The following HIP1 variants were observed in gnomAD, a reference collection of about 807,000 sequenced individuals.
HIP1 encodes the protein huntingtin-interacting protein 1.
Under a neutral mutation model 147.6 loss-of-function variants are expected in HIP1, and 65 were observed. The observed-to-expected ratio is 0.44, with a 90% CI of 0.36 to 0.54. The LOEUF (loss-of-function observed/expected upper bound fraction) is 0.54, where lower values mean the gene tolerates loss of function less well. HIP1 is among the 20% of genes least tolerant of loss of function. The pLI is 0.00. For missense variants in HIP1, 1,061 were observed against 1,299.6 expected, an observed-to-expected ratio of 0.82 and a Z score of 2.82; for synonymous variants, 479 against 504.0, an observed-to-expected ratio of 0.95 and a Z score of 0.67.
In HIP1 at chr7:75,622,936, G is replaced by A. The variant is rs1157239768; in HGVS notation, c.121-23689C>T. On this transcript the variant is annotated intron_variant, in intron 1 of 30. Transcript: ENST00000336926. ...AAATTGGCTGGGTGTGGTGGCTCAC[G>A]CCTGTAATCCTAGCACTTTGGGAAG... Among the ~76,000 whole-genome samples, 7 of 151,894 alleles carry A rather than the reference G, an allele frequency of 4.6e-5. No individual in the cohort carries two copies. The East Asian group carries it at 5.8e-4, about 13-fold the overall frequency.
rs146291469 is a variant in HIP1 at position 75,695,763 on chromosome 7, C to T, written c.120+43038G>A. ...CTAATTTTTGTATTTTTAGTAGAGA[C>T]GGGGTTTCACTATGTTGGCCAGGCT... On this transcript the variant is annotated intron_variant, in intron 1 of 30. Coordinates refer to ENST00000336926, the MANE Select transcript of HIP1 (RefSeq NM_005338.7). Among the ~76,000 whole-genome samples the T allele has an allele frequency of 7.8e-3, 1,179 of 152,064 alleles. 17 individuals are homozygous for T. Among genetic ancestry groups the T allele is most frequent in the African/African-American group, 0.027 (1,114 of 41,506 alleles).
chr7:75,662,606 AG>A (rs529678622), intron 1 of HIP1, among the ~76,000 whole-genome samples: 204 of 152,256 alleles, frequency 1.3e-3, no homozygotes, highest in Non-Finnish European at 2.4e-3. Flanking sequence ...CCCAGGTTCA[AG>A]TGACTCTCCT....
intron 1 of HIP1, among the ~76,000 whole-genome samples, chr7:75,722,416 C>A (rs1173431338): frequency 2.6e-5 from 4 of 152,222 alleles, no homozygotes; most frequent in African/African-American, 9.6e-5. Flanking sequence ...CAGAGCCAGA[C>A]TGAAGACCTA....
chr7:75,548,994 A>G lies in HIP1; in HGVS notation c.2303T>C (p.Leu768Pro), dbSNP rs781850036. The G allele has an allele frequency of 4.2e-5, 67 of 1,612,260 alleles. No homozygotes were observed. The highest frequency in any genetic ancestry group is 5.0e-5 in the Non-Finnish European group (59 of 1,178,456). The change falls in exon 23 of 31, where the codon CTG becomes CCG. Residue 768 changes from leucine to proline, a missense_variant. By Grantham distance (98) the Leu-to-Pro change is moderately conservative (BLOSUM62 -3). Coordinates refer to ENST00000336926, the MANE Select transcript of HIP1 (RefSeq NM_005338.7). ...SKIKAIGEELLPRGLDIKQEE... is the reference protein window; with the variant it reads ...SKIKAIGEELPPRGLDIKQEE... ...CTGCTTGATGTCCAGTCCCCTGGGC[A>G]GGAGCTCCTGTGAACACATCACAAA...
intron 1 of HIP1, among the ~76,000 whole-genome samples, chr7:75,627,977 G>A (rs1400735106): frequency 6.6e-6 from 1 of 152,190 alleles, no homozygotes; most frequent in African/African-American, 2.4e-5. Context: ...ATGAACAGGG[G>A]TTCCAGAGTT....
chr7:75,620,377 C>T (rs1797805053), intron 1 of HIP1, among the ~76,000 whole-genome samples: 1 of 126,932 alleles, frequency 7.9e-6, no homozygotes, highest in African/African-American at 3.4e-5. Context: ...CAGAGCAAGA[C>T]CATGTCTTTA....
chr7:75,699,215 GA>G (rs1800737675), intron 1 of HIP1, among the ~76,000 whole-genome samples: 1 of 151,976 alleles, frequency 6.6e-6, no homozygotes, highest in African/African-American at 2.4e-5. Flanking sequence ...AAGTAACTAG[GA>G]CTATAGGCGC....
intron 7 of HIP1, among the ~76,000 whole-genome samples, chr7:75,574,758 G>A (rs1200500020): frequency 6.6e-6 from 1 of 152,178 alleles, no homozygotes; most frequent in African/African-American, 2.4e-5. Context: ...ACTCTGTGCA[G>A]AGACCCCTGA....
At position 75,717,556 on chromosome 7, in the gene HIP1, G is replaced by C. The variant is rs761094345; in HGVS notation, c.120+21245C>G. Among the ~76,000 whole-genome samples, 64 of 151,842 alleles carry C rather than the reference G, an allele frequency of 4.2e-4. 1 individual carries two copies. Among genetic ancestry groups the C allele is most frequent in the Non-Finnish European group, 7.4e-4 (50 of 67,980 alleles). On this transcript the variant is annotated intron_variant, in intron 1 of 30. Transcript: ENST00000336926. ...AGTTAAAAGAATTAGCCGGGGCCCG[G>C]TGTGGTGGCTTACACCCATAATCTT...
intron 4 of HIP1, among the ~76,000 whole-genome samples, chr7:75,588,016 T>G (rs1796347521): frequency 1.3e-5 from 2 of 152,022 alleles, no homozygotes; most frequent in African/African-American, 2.4e-5. Context: ...CTCCTTGGTA[T>G]AGGGGAAGTA....
intron 5 of HIP1, among the ~76,000 whole-genome samples, chr7:75,584,715 C>T (rs587653344): frequency 2.0e-5 from 3 of 152,256 alleles, no homozygotes; most frequent in Admixed American, 1.3e-4. Flanking sequence ...CGCAGCCCCA[C>T]TGCCCCAGCT....
chr7:75,717,312 T>A (rs557730309), intron 1 of HIP1, among the ~76,000 whole-genome samples: 1 of 152,166 alleles, frequency 6.6e-6, no homozygotes, highest in South Asian at 2.1e-4. Context: ...AACAAAAATG[T>A]GTGCAGGAAA....
At chr7:75,616,507 T>C (rs1797667492) in intron 1 of HIP1, among the ~76,000 whole-genome samples, 1 of 151,940 alleles carries the variant, frequency 6.6e-6, no homozygotes, top group Non-Finnish European at 1.5e-5. Flanking sequence ...TCCTGGCTTC[T>C]AGCGATCCTC....
chr7:75,596,530 GT>G (rs1325833395), intron 2 of HIP1, among the ~76,000 whole-genome samples: 1 of 152,106 alleles, frequency 6.6e-6, no homozygotes. Context: ...GGGATTACAG[GT>G]ACCTGCCACC....
chr7:75,716,680 C>T (rs1554520622), intron 1 of HIP1, among the ~76,000 whole-genome samples: 3 of 151,872 alleles, frequency 2.0e-5, no homozygotes, highest in East Asian at 3.9e-4. Context: ...CCAACATGCC[C>T]GGCTAATTTT....
chr7:75,607,230 T>TTC (rs1563240673), intron 1 of HIP1, among the ~76,000 whole-genome samples: 1 of 146,170 alleles, frequency 6.8e-6, no homozygotes, highest in African/African-American at 2.6e-5. Flanking sequence ...TGTTTTTTGT[T>TTC]TTGTTTTTTT....
In HIP1 at chr7:75,539,388, T is replaced by G; in HGVS notation, c.2996A>C (p.Gln999Pro). The G allele has an allele frequency of 6.2e-7, 1 of 1,614,228 alleles. No individual in the cohort carries two copies. The highest frequency in any genetic ancestry group is 8.5e-7 in the Non-Finnish European group (1 of 1,180,036). ...ELENELQKER[Q>P]KLGELRKKHY... is the part of the protein sequence containing the mutation. The stretch of plus-strand genomic sequence containing the variant: ...CTTTTTCCGAAGCTCTCCCAGTTTT[T>G]GACGCTCCTTCTGCAATTCATTTTC... Residue 999 changes from glutamine (Q) to proline (P), a missense_variant, in exon 30 of 31, where the codon CAA becomes CCA. By Grantham distance (76) the Gln-to-Pro change is moderately conservative. Coordinates refer to ENST00000336926, the MANE Select transcript of HIP1 (RefSeq NM_005338.7).
At chr7:75,560,047 A>C (rs782584573) in intron 13 of HIP1, 132 bp from the exon 14 acceptor site, 11 of 875,082 alleles carry the variant, frequency 1.3e-5, no homozygotes, top group Admixed American at 6.0e-5. Context: ...ACGTCCCAGG[A>C]GGGTTGGACC....
chr7:75,710,086 T>C (rs1353565885), intron 1 of HIP1, among the ~76,000 whole-genome samples: 1 of 152,086 alleles, frequency 6.6e-6, no homozygotes, highest in Non-Finnish European at 1.5e-5. Context: ...TTTGTAGAGA[T>C]GGGGTTTTGC....
Sources: allele counts gnomAD v4.1 joint callset (sites outside exome capture counted in the v4.1 genomes callset), GRCh38; gene constraint gnomAD v4.1.1; transcripts MANE v1.5; gene names NCBI Gene and HGNC (gene_info 2026-07-23, HGNC 2026-07-21).